Variants in UPK1B observed in about 807,000 individuals in gnomAD.
The protein encoded by UPK1B is uroplakin-1b.
A neutral mutation model predicts 34.2 loss-of-function variants in UPK1B; 28 were observed. The observed-to-expected ratio is 0.82, with a 90% CI of 0.61 to 1.12. UPK1B has a LOEUF of 1.12. Among genes scored for constraint, UPK1B ranks in the 50% most tolerant of loss-of-function variants. The probability of loss-of-function intolerance (pLI) is 0.00; values close to 1 mark genes in which losing one functional copy is unlikely to be tolerated. For missense variants in UPK1B, 325 were observed against 320.9 expected, an observed-to-expected ratio of 1.01 and a Z score of -0.10; for synonymous variants, 81 against 110.4, an observed-to-expected ratio of 0.73 and a Z score of 1.67.
At chr3:119,180,814 C>A (rs896369071) in intron 1 of UPK1B, among the ~76,000 whole-genome samples, 2 of 152,188 alleles carry the variant, frequency 1.3e-5, no homozygotes, top group Non-Finnish European at 2.9e-5. Context: ...CAGGCCTGAT[C>A]TTTTCCTTTT....
chr3:119,189,222 C>T (rs914360853), intron 3 of UPK1B, among the ~76,000 whole-genome samples: 1 of 152,156 alleles, frequency 6.6e-6, no homozygotes, highest in Admixed American at 6.5e-5. Flanking sequence ...GCAGCTAACA[C>T]AGGAAAAAAA....
chr3:119,186,532 A>C, intron 1 of UPK1B, 182 bp from the exon 2 acceptor site: 2 of 561,708 alleles, frequency 3.6e-6, no homozygotes, highest in Admixed American at 3.3e-5. Flanking sequence ...CTGGAAGGCT[A>C]TATTCTTTTC....
At chr3:119,194,171 C>G (rs1217000419) in intron 5 of UPK1B, 48 bp from the exon 6 acceptor site, 2 of 1,590,868 alleles carry the variant, frequency 1.3e-6, no homozygotes, top group African/African-American at 1.3e-5. Context: ...ATTGATGGCT[C>G]TAGTAGGGAC....
intron 7 of UPK1B, among the ~76,000 whole-genome samples, chr3:119,201,465 A>C (rs2078090259): frequency 6.6e-6 from 1 of 152,208 alleles, no homozygotes; most frequent in Non-Finnish European, 1.5e-5. Context: ...ACTGCCCTTT[A>C]TAAAGCCATC....
chr3:119,199,775 AC>A (rs2078083447), intron 7 of UPK1B, among the ~76,000 whole-genome samples: 4 of 152,230 alleles, frequency 2.6e-5, no homozygotes, highest in Admixed American at 2.0e-4. Flanking sequence ...GTCAGGGTTG[AC>A]AACCATTGCC....
chr3:119,193,711 A>G (rs938479247), intron 5 of UPK1B, among the ~76,000 whole-genome samples: 5 of 152,110 alleles, frequency 3.3e-5, no homozygotes, highest in African/African-American at 7.2e-5. Context: ...ATGATTCTCA[A>G]TTTGCTTTGA....
chr3:119,179,350 G>GAGATATAT (rs2077974591), intron 1 of UPK1B, among the ~76,000 whole-genome samples: 1 of 59,776 alleles, frequency 1.7e-5, no homozygotes, highest in African/African-American at 5.5e-5. Flanking sequence ...GAGAGAGAGG[G>GAGATATAT]AGATATATAT....
rs1293357139 is a variant in UPK1B at position 119,179,505 on chromosome 3, G to GTTTTTTTTTTTTT, written c.-29+5868_-29+5869insTTTTTTTTTTTTT. Among the ~76,000 whole-genome samples the GTTTTTTTTTTTTT allele has an allele frequency of 2.9e-4, 13 of 45,228 alleles. 1 individual carries two copies. Among genetic ancestry groups the GTTTTTTTTTTTTT allele is most frequent in the Non-Finnish European group, 6.2e-4 (12 of 19,446 alleles). The allele number at this position is 45,228 out of a possible 152,430, so 29.7% of individuals were successfully genotyped here. Reference sequence around the variant, plus strand: ...AATTTGGGGAAGAGTTGATGTTGCAGTCTTTTTTTTTTTTTTTTTTTTGAG... The same window carrying GTTTTTTTTTTTTT: ...AATTTGGGGAAGAGTTGATGTTGCAGTTTTTTTTTTTTTTCTTTTTTTTTTTTTTTTTTTTGAG... On this transcript the variant is annotated intron_variant, in intron 1 of 7. Coordinates refer to ENST00000264234, the MANE Select transcript of UPK1B (RefSeq NM_006952.4).
chr3:119,191,092 G>C lies in UPK1B; in HGVS notation c.456G>C (p.Arg152Ser). 3 of 1,613,890 alleles carry C rather than the reference G, an allele frequency of 1.9e-6. No individual in the cohort carries two copies. The highest frequency in any genetic ancestry group is 2.5e-6 in the Non-Finnish European group (3 of 1,179,874). Residue 152 changes from arginine (R) to serine (S), a missense_variant, in exon 5 of 8, where the codon AGG (arginine) becomes AGC (serine). Arg to Ser is a moderately radical substitution (Grantham distance 110). Transcript: ENST00000264234. ...KNNGVTKTWD[R>S]LMLQDNCCGV... Reference sequence around the variant, plus strand: ...ATGGAGTCACCAAAACCTGGGACAGGCTCATGCTCCAGGTAAGACCTGTGG... The same window carrying C: ...ATGGAGTCACCAAAACCTGGGACAGCCTCATGCTCCAGGTAAGACCTGTGG...
At chr3:119,191,424 T>G (rs113359546) in intron 5 of UPK1B, among the ~76,000 whole-genome samples, 3 of 152,192 alleles carry the variant, frequency 2.0e-5, no homozygotes, top group African/African-American at 7.2e-5. Context: ...ATATCTTGAT[T>G]TGATCACCCA....
At chr3:119,203,799 C>G (rs2078106129) in intron 7 of UPK1B, 118 bp from the exon 8 acceptor site, 1 of 1,063,288 alleles carries the variant, frequency 9.4e-7, no homozygotes, top group African/African-American at 1.7e-5. Flanking sequence ...TAAAAACAAA[C>G]AAACAAAAAA....
At chr3:119,199,029 A>T (rs1049737704) in intron 6 of UPK1B, 28 bp from the exon 7 acceptor site, 5 of 1,612,974 alleles carry the variant, frequency 3.1e-6, no homozygotes, top group Non-Finnish European at 4.2e-6. Flanking sequence ...TTCTTCTCAC[A>T]CTAATGTGGA....
Position 119,191,083 on chromosome 3 carries a change from C to G in UPK1B, c.447C>G (p.Thr149=). ...GGAAAAACAATGGAGTCACCAAAAC[C>G]TGGGACAGGCTCATGCTCCAGGTAA... The part of the protein sequence containing the change: ...DQWKNNGVTK[T]WDRLMLQDNC... Residue 149 remains threonine, a synonymous_variant, in exon 5 of 8, where the codon ACC becomes ACG. Transcript: ENST00000264234. 1 of 1,613,954 alleles carries G rather than the reference C, an allele frequency of 6.2e-7. No individual in the cohort carries two copies. Among genetic ancestry groups the G allele is most frequent in the Non-Finnish European group, 8.5e-7 (1 of 1,179,896 alleles).
At chr3:119,179,378 T>TATATATATAC (rs2077975987) in intron 1 of UPK1B, among the ~76,000 whole-genome samples, 2 of 80,966 alleles carry the variant, frequency 2.5e-5, no homozygotes, top group Non-Finnish European at 5.1e-5. Context: ...TATATATATA[T>TATATATATAC]ATATATATAT....
intron 6 of UPK1B, among the ~76,000 whole-genome samples, chr3:119,198,650 C>A (rs2078077114): frequency 6.6e-6 from 1 of 152,132 alleles, no homozygotes; most frequent in Non-Finnish European, 1.5e-5. Context: ...TGGACAGAAG[C>A]ATTTTTATTC....
rs1179394760 is a variant in UPK1B, at chr3:119,203,992, C to T, written c.*25C>T. 1.2e-6 allele frequency: 2 copies of T among 1,612,552 alleles called. No homozygotes were observed. The highest frequency in any genetic ancestry group is 1.1e-5 in the South Asian group (1 of 91,056). On this transcript the variant is annotated 3_prime_UTR_variant, in exon 8 of 8. Coordinates refer to ENST00000264234, the MANE Select transcript of UPK1B (RefSeq NM_006952.4). ...AGCATAAAGTGTTGCCACCATACCT[C>T]CTTCCCCGAGTGACTCTGGATTTGG... is the stretch of plus-strand genomic sequence containing the variant.
Position 119,173,885 on chromosome 3 carries a change from A to C in UPK1B, c.-29+247A>C, listed in dbSNP as rs1372903389. ...TCTTGTTCTCATTAAACTTCTGGAG[A>C]TATTACGCAGCCATCCTGCTTTCAA... On this transcript the variant is annotated intron_variant, in intron 1 of 7. Coordinates refer to ENST00000264234, the MANE Select transcript of UPK1B (RefSeq NM_006952.4). Among the ~76,000 whole-genome samples the C allele has an allele frequency of 2.0e-5, 3 of 152,014 alleles. No individual in the cohort carries two copies. In the East Asian group the frequency reaches 5.8e-4, roughly 29 times the overall value.
chr3:119,195,463 A>G (rs2078062783), intron 6 of UPK1B, among the ~76,000 whole-genome samples: 2 of 152,242 alleles, frequency 1.3e-5, no homozygotes, highest in South Asian at 4.1e-4. Flanking sequence ...AACTGGATGC[A>G]TTATTCCAGA....
Position 119,186,719 on chromosome 3 carries a change from T to G in UPK1B, c.-23T>G. On this transcript the variant is annotated 5_prime_UTR_variant, in exon 2 of 8. Transcript: ENST00000264234. ...TTTGGTAATGCTTTCAACAGTGCCT[T>G]CAGCTTGTGGGAAATCCCGAAGATG... 6.2e-7 allele frequency: 1 copy of G among 1,613,822 alleles called. No individual in the cohort carries two copies. Among genetic ancestry groups the G allele is most frequent in the Non-Finnish European group, 8.5e-7 (1 of 1,179,842 alleles).
Sources: allele counts gnomAD v4.1 joint callset (sites outside exome capture counted in the v4.1 genomes callset), GRCh38; gene constraint gnomAD v4.1.1; transcripts MANE v1.5; gene names NCBI Gene and HGNC (gene_info 2026-07-23, HGNC 2026-07-21).